Variants in PTGER3 observed in about 807,000 individuals in gnomAD.
The protein encoded by PTGER3 is prostaglandin E receptor 3, also known as prostaglandin E2 receptor EP3 subtype.
PTGER3 carries 22 observed loss-of-function variants against 34.7 expected under a neutral mutation model. The observed-to-expected ratio is 0.63, with a 90% CI of 0.45 to 0.91. The LOEUF (loss-of-function observed/expected upper bound fraction) is 0.91. Ranked by LOEUF, PTGER3 falls within the 40% of genes least tolerant of loss-of-function variation. The pLI, the probability that PTGER3 is intolerant of heterozygous loss-of-function variation, is 0.00. For missense variants in PTGER3, 468 were observed against 519.4 expected (o/e 0.90, Z 0.96); for synonymous variants, 241 against 230.1 (o/e 1.05, Z -0.43).
intron 2 of PTGER3, among the ~76,000 whole-genome samples, chr1:70,981,086 T>A (rs980310279): frequency 1.3e-5 from 2 of 152,056 alleles, no homozygotes; most frequent in African/African-American, 2.4e-5. Context: ...AGGCAACTGT[T>A]AATAGAAACA....
At chr1:70,917,010 C>T (rs1399031206) in intron 4 of PTGER3, among the ~76,000 whole-genome samples, 4 of 151,924 alleles carry the variant, frequency 2.6e-5, no homozygotes, top group Non-Finnish European at 5.9e-5. Context: ...TCACTATAAA[C>T]ATTTATCATT....
At chr1:70,968,804 TCA>T (rs1006192326), downstream of PTGER3, among the ~76,000 whole-genome samples, 1 of 151,928 alleles carries the variant, frequency 6.6e-6, no homozygotes, top group Admixed American at 6.6e-5. Flanking sequence ...AAGATATTTC[TCA>T]TTGTATGAGA....
At chr1:70,907,899 A>G (rs1646982773) in intron 4 of PTGER3, among the ~76,000 whole-genome samples, 1 of 152,122 alleles carries the variant, frequency 6.6e-6, no homozygotes, top group African/African-American at 2.4e-5. Flanking sequence ...CAGGAAAGAG[A>G]GTAGTGAGGG....
chr1:71,040,833 C>T (rs1321648102), intron 1 of PTGER3, among the ~76,000 whole-genome samples: 3 of 152,232 alleles, frequency 2.0e-5, no homozygotes, highest in South Asian at 2.1e-4. Context: ...CACCCAATCA[C>T]GGCCTAGAGA....
intron 2 of PTGER3, among the ~76,000 whole-genome samples, chr1:70,980,407 C>T (rs1572839043): frequency 6.6e-6 from 1 of 151,950 alleles, no homozygotes; most frequent in South Asian, 2.1e-4. Context: ...CTTGCTGGCC[C>T]TCAGTTTCCT....
intron 4 of PTGER3, among the ~76,000 whole-genome samples, chr1:70,888,214 A>G (rs970511349): frequency 2.0e-5 from 3 of 152,190 alleles, no homozygotes; most frequent in African/African-American, 4.8e-5. Context: ...GTGAAGGGGC[A>G]TCAAAGTGAT....
At chr1:70,873,662 T>C (rs1646212775) in intron 4 of PTGER3, among the ~76,000 whole-genome samples, 1 of 151,620 alleles carries the variant, frequency 6.6e-6, no homozygotes. Flanking sequence ...TTTTTTTTTT[T>C]TTTGAGACAG....
At chr1:70,884,226 C>A in intron 4 of PTGER3, 1 of 213,474 alleles carries the variant, frequency 4.7e-6, no homozygotes, top group Non-Finnish European at 9.6e-6. Context: ...TGTCTCAGTG[C>A]CCTCTGAATT....
chr1:70,988,929 A>G (rs1273559578), intron 2 of PTGER3, among the ~76,000 whole-genome samples: 1 of 152,086 alleles, frequency 6.6e-6, no homozygotes, highest in African/African-American at 2.4e-5. Context: ...AATTACCTAA[A>G]TTGTTCAGTC....
At chr1:70,865,695 G>A (rs751130940) in intron 4 of PTGER3, 1 of 1,366,536 alleles carries the variant, frequency 7.3e-7, no homozygotes, top group Admixed American at 1.9e-5. Context: ...TTACTAAGAA[G>A]TTTGAAGCTC....
At chr1:70,864,129 T>A (rs1446460300) in intron 4 of PTGER3, among the ~76,000 whole-genome samples, 1 of 152,174 alleles carries the variant, frequency 6.6e-6, no homozygotes, top group Non-Finnish European at 1.5e-5. Context: ...TGCCATTCCC[T>A]TTGCCTGGGT....
At chr1:70,884,491 G>A (rs532480687) in intron 4 of PTGER3, among the ~76,000 whole-genome samples, 5 of 152,286 alleles carry the variant, frequency 3.3e-5, no homozygotes, top group African/African-American at 1.2e-4. Context: ...AGATAAGCAG[G>A]AGCAAGAGCA....
intron 1 of PTGER3, among the ~76,000 whole-genome samples, chr1:71,044,991 C>G (rs962292839): frequency 1.3e-5 from 2 of 152,168 alleles, no homozygotes; most frequent in Admixed American, 1.3e-4. Flanking sequence ...TAGTTGGCCA[C>G]CTGTACACTC....
chr1:70,909,898 T>G (rs1647027308), intron 4 of PTGER3, among the ~76,000 whole-genome samples: 1 of 152,212 alleles, frequency 6.6e-6, no homozygotes, highest in Admixed American at 6.5e-5. Flanking sequence ...AGAACTGATT[T>G]GAAATGCTTA....
chr1:70,979,349 C>G (rs1378042258), intron 2 of PTGER3, among the ~76,000 whole-genome samples: 1 of 150,774 alleles, frequency 6.6e-6, no homozygotes, highest in Non-Finnish European at 1.5e-5. Flanking sequence ...AAATCTAGAC[C>G]TAGAACCAGA....
At chr1:70,957,457 C>A (rs1341358766) in intron 2 of PTGER3, among the ~76,000 whole-genome samples, 1 of 152,174 alleles carries the variant, frequency 6.6e-6, no homozygotes, top group Non-Finnish European at 1.5e-5. Flanking sequence ...CCACCATGTG[C>A]TTTAAAAACT....
intron 1 of PTGER3, among the ~76,000 whole-genome samples, chr1:71,034,278 G>A (rs576101352): frequency 9.7e-4 from 147 of 151,974 alleles, no homozygotes; most frequent in African/African-American, 3.2e-3. Flanking sequence ...CATTTTTATC[G>A]CTAAATTTTC....
intron 1 of PTGER3, among the ~76,000 whole-genome samples, chr1:71,013,706 A>C (rs1452350207): frequency 6.6e-6 from 1 of 151,424 alleles, no homozygotes; most frequent in Non-Finnish European, 1.5e-5. Context: ...CTGTCTCAAA[A>C]AAAAAAAAAA....
At chr1:70,862,180 C>T in intron 4 of PTGER3, 3 of 449,356 alleles carry the variant, frequency 6.7e-6, no homozygotes, top group Non-Finnish European at 1.0e-5. Flanking sequence ...AAAATTAGCA[C>T]CTCTTTTTTT....
Sources: gnomAD v4.1 joint callset for allele counts (sites outside exome capture counted in the v4.1 genomes callset) on GRCh38, gnomAD v4.1.1 for gene constraint, MANE v1.5 for transcripts, NCBI Gene and HGNC (gene_info 2026-07-23, HGNC 2026-07-21) for gene names.